The following ARAP2 variants were observed in gnomAD, a reference collection of about 807,000 sequenced individuals.
ARAP2 encodes ArfGAP with RhoGAP domain, ankyrin repeat and PH domain 2.
In ARAP2, 148 loss-of-function variants were observed where a neutral mutation model predicts 194.5. That is an observed-to-expected ratio of 0.76 (90% CI 0.67 to 0.87). ARAP2 has a LOEUF of 0.87. Ranked by LOEUF, ARAP2 falls within the 40% of genes least tolerant of loss-of-function variation. The probability of loss-of-function intolerance (pLI) is 0.00; values close to 1 mark genes in which losing one functional copy is unlikely to be tolerated. For synonymous variants in ARAP2, 695 were observed against 683.5 expected, an observed-to-expected ratio of 1.02 and a Z score of -0.26; for missense variants, 2,128 against 1,989.7, an observed-to-expected ratio of 1.07 and a Z score of -1.32.
At chr4:36,186,905 T>G (rs1423202322) in intron 8 of ARAP2, among the ~76,000 whole-genome samples, 1 of 152,236 alleles carries the variant, frequency 6.6e-6, no homozygotes, top group African/African-American at 2.4e-5. Flanking sequence ...ATTATTTCAT[T>G]ATATACTACA....
intron 9 of ARAP2, among the ~76,000 whole-genome samples, chr4:36,174,419 T>C (rs938061055): frequency 3.7e-4 from 56 of 152,214 alleles, no homozygotes; most frequent in African/African-American, 1.2e-3. Context: ...AGCATGGTAA[T>C]TAGGTAAAGA....
In ARAP2 at chr4:36,107,568, T is replaced by C; in HGVS notation, c.4282A>G (p.Ser1428Gly). 1.2e-6 allele frequency: 2 copies of C among 1,608,556 alleles called. No individual in the cohort carries two copies. Among genetic ancestry groups the C allele is most frequent in the Non-Finnish European group, 1.7e-6 (2 of 1,177,242 alleles). The change falls in exon 27 of 33, where the codon AGT becomes GGT. Residue 1428 changes from serine (S) to glycine (G), a missense_variant. Coordinates refer to ENST00000303965, the MANE Select transcript of ARAP2 (RefSeq NM_015230.4). ...AATGTGAAGTAATGACACCTACCACTGCAGTGTTTAATTGTGTCAGCGGTT... is the reference window on the plus strand; with the variant it reads ...AATGTGAAGTAATGACACCTACCACCGCAGTGTTTAATTGTGTCAGCGGTT... Reference protein sequence around the residue: ...FLTADTIKHCSDRSTLGSIKE... With the variant: ...FLTADTIKHCGDRSTLGSIKE...
chr4:36,042,884 G>A (rs924936464), intron 5 of ARAP2, among the ~76,000 whole-genome samples: 5 of 147,504 alleles, frequency 3.4e-5, no homozygotes, highest in South Asian at 2.1e-4. Context: ...ACTCTGTCAC[G>A]CAGGCTGGAG....
At chr4:36,176,563 A>G (rs940032444) in intron 9 of ARAP2, among the ~76,000 whole-genome samples, 2 of 152,166 alleles carry the variant, frequency 1.3e-5, no homozygotes, top group Admixed American at 6.5e-5. Context: ...TTGGCAGAGT[A>G]ACTTCCATAC....
At chr4:36,192,917 A>G (rs1578226685) in intron 7 of ARAP2, among the ~76,000 whole-genome samples, 1 of 152,130 alleles carries the variant, frequency 6.6e-6, no homozygotes, top group Admixed American at 6.5e-5. Flanking sequence ...AATCGCTGGA[A>G]CCCAGAAGGC....
intron 31 of ARAP2, among the ~76,000 whole-genome samples, chr4:36,077,767 C>T (rs1165712904): frequency 6.6e-6 from 1 of 152,072 alleles, no homozygotes; most frequent in Non-Finnish European, 1.5e-5. Context: ...AACTATTAAG[C>T]AGGAACTACA....
intron 11 of ARAP2, 96 bp from the exon 12 acceptor site, chr4:36,161,646 T>A: frequency 1.1e-6 from 1 of 948,994 alleles, no homozygotes; most frequent in Non-Finnish European, 1.6e-6. Flanking sequence ...TGTATGTTCG[T>A]TGCGTATCTT....
intron 8 of ARAP2, among the ~76,000 whole-genome samples, chr4:36,185,148 G>T (rs1360585306): frequency 6.6e-6 from 1 of 152,192 alleles, no homozygotes; most frequent in Non-Finnish European, 1.5e-5. Flanking sequence ...GACAATGGTT[G>T]TTATCTAACA....
rs187263292 is a variant in ARAP2, at chr4:36,109,696, C to A, written c.4157-2003G>T. Among the ~76,000 whole-genome samples, 332 of 151,934 alleles carry A rather than the reference C, an allele frequency of 2.2e-3. 14 individuals carry two copies. Among genetic ancestry groups the A allele is most frequent in the Admixed American group, 0.022 (332 of 15,220 alleles). On this transcript the variant is annotated intron_variant, in intron 26 of 32. Coordinates refer to ENST00000303965, the MANE Select transcript of ARAP2 (RefSeq NM_015230.4). ...AGACTAATTATAAAATAAGCACTCC[C>A]TTTATGTATGGCTTTAAATATATTT...
chr4:36,132,133 G>T (rs1367318793), intron 20 of ARAP2, among the ~76,000 whole-genome samples: 2 of 151,594 alleles, frequency 1.3e-5, no homozygotes, highest in Non-Finnish European at 3.0e-5. Context: ...CATTAGTTCT[G>T]ATATTTTGTT....
chr4:36,119,273 G>C (rs1039314630), intron 24 of ARAP2, among the ~76,000 whole-genome samples: 5 of 151,406 alleles, frequency 3.3e-5, no homozygotes, highest in African/African-American at 9.7e-5. Flanking sequence ...ATAATTTATA[G>C]TTTCAAAATA....
chr4:36,155,467 G>C (rs1441962209), intron 15 of ARAP2, among the ~76,000 whole-genome samples: 2 of 152,050 alleles, frequency 1.3e-5, no homozygotes, highest in African/African-American at 4.8e-5. Context: ...TTTGCATAGG[G>C]AACAGCAGGT....
chr4:36,041,285 C>A (rs1353448405), intron 5 of ARAP2, among the ~76,000 whole-genome samples: 1 of 151,884 alleles, frequency 6.6e-6, no homozygotes, highest in East Asian at 1.9e-4. Context: ...ATGCATCTGA[C>A]AAAAGTCTAA....
intron 10 of ARAP2, chr4:36,006,673 A>C (rs1382103806): frequency 6.6e-6 from 1 of 152,144 alleles, no homozygotes; most frequent in African/African-American, 2.4e-5. Flanking sequence ...AATTATTTTT[A>C]TATATTAAAA....
intron 20 of ARAP2, among the ~76,000 whole-genome samples, chr4:36,131,590 G>A (rs1006983022): frequency 5.9e-5 from 9 of 151,470 alleles, no homozygotes; most frequent in African/African-American, 1.9e-4. Context: ...TGAAAAAATC[G>A]AATGCTGAGT....
At chr4:36,176,528 G>A (rs1320858072) in intron 9 of ARAP2, among the ~76,000 whole-genome samples, 1 of 152,106 alleles carries the variant, frequency 6.6e-6, no homozygotes, top group Non-Finnish European at 1.5e-5. Context: ...GTCTATGCAA[G>A]TATAAACTGA....
chr4:36,190,999 T>C (rs905695811), intron 7 of ARAP2, among the ~76,000 whole-genome samples: 1 of 152,182 alleles, frequency 6.6e-6, no homozygotes, highest in Non-Finnish European at 1.5e-5. Context: ...ACTCTTTCCA[T>C]TGTCAGGCAA....
In ARAP2 at chr4:36,114,827, T is replaced by C. The variant is rs146299772; in HGVS notation, c.4039-540A>G. The stretch of plus-strand genomic sequence containing the variant: ...CAGGATTCCAGGGCAGATGTCAGAG[T>C]CTGCAATGCCAACCTGGGGGTCGGT... On this transcript the variant is annotated intron_variant, in intron 25 of 32. Transcript: ENST00000303965. Among the ~76,000 whole-genome samples the C allele has an allele frequency of 3.6e-4, 55 of 151,976 alleles. No individual in the cohort carries two copies. The East Asian group carries it at 0.011, about 30-fold the overall frequency.
intron 32 of ARAP2, among the ~76,000 whole-genome samples, chr4:36,072,666 A>C (rs1727282521): frequency 7.3e-6 from 1 of 137,306 alleles, no homozygotes; most frequent in Non-Finnish European, 1.6e-5. Flanking sequence ...CTAAAAAAAA[A>C]CAAAAAAAAA....
Sources: gnomAD v4.1 joint callset for allele counts (sites outside exome capture counted in the v4.1 genomes callset) on GRCh38, gnomAD v4.1.1 for gene constraint, MANE v1.5 for transcripts, NCBI Gene and HGNC (gene_info 2026-07-23, HGNC 2026-07-21) for gene names.